PTPRR: variants seen among roughly 807,000 people sequenced by gnomAD.
PTPRR encodes the protein receptor-type tyrosine-protein phosphatase R.
PTPRR carries 38 observed loss-of-function variants against 77.2 expected under a neutral mutation model. The observed-to-expected ratio is 0.49, with a 90% CI of 0.38 to 0.65. PTPRR has a LOEUF of 0.65. Ranked by LOEUF, PTPRR falls within the 30% of genes least tolerant of loss-of-function variation. The pLI, the probability that PTPRR is intolerant of heterozygous loss-of-function variation, is 0.00. For missense variants in PTPRR, 744 were observed against 799.2 expected (o/e 0.93, Z 0.83); for synonymous variants, 299 against 283.1 (o/e 1.06, Z -0.57).
intron 13 of PTPRR, 98 bp from the exon 14 acceptor site, chr12:70,639,375 C>A: frequency 6.9e-7 from 1 of 1,453,612 alleles, no homozygotes. Context: ...ATGCCAAAGA[C>A]ACATAGAACA....
At chr12:70,854,115 T>C (rs1039114414) in intron 2 of PTPRR, among the ~76,000 whole-genome samples, 3 of 152,312 alleles carry the variant, frequency 2.0e-5, no homozygotes, top group Middle Eastern at 3.4e-3. Flanking sequence ...AATAACCTAA[T>C]TATTTCAAAG....
At chr12:70,810,053 G>A (rs1295907498) in intron 2 of PTPRR, among the ~76,000 whole-genome samples, 1 of 152,140 alleles carries the variant, frequency 6.6e-6, no homozygotes, top group Non-Finnish European at 1.5e-5. Flanking sequence ...ATCACCAGCA[G>A]TCATGTAAAT....
chr12:70,840,971 C>CTTT (rs35818832), intron 2 of PTPRR, among the ~76,000 whole-genome samples: 16,458 of 133,062 alleles, frequency 0.12, 1,562 homozygotes, highest in African/African-American at 0.23. Flanking sequence ...GTTTTTATGG[C>CTTT]TTTTTTTTTT....
At chr12:70,717,951 T>C (rs76637611) in intron 6 of PTPRR, among the ~76,000 whole-genome samples, 3,158 of 152,300 alleles carry the variant, frequency 0.021, 48 homozygotes, top group East Asian at 0.068. Context: ...TGATAATTGG[T>C]CAGTAATTTT....
At chr12:70,678,351 C>G (rs1887528318) in intron 10 of PTPRR, among the ~76,000 whole-genome samples, 1 of 152,076 alleles carries the variant, frequency 6.6e-6, no homozygotes, top group Admixed American at 6.5e-5. Context: ...AGGATAGGTT[C>G]TGTTACTGAT....
intron 2 of PTPRR, among the ~76,000 whole-genome samples, chr12:70,774,636 T>C (rs368470109): frequency 1.4e-5 from 2 of 141,556 alleles, no homozygotes; most frequent in Non-Finnish European, 3.1e-5. Flanking sequence ...AGCTGGATTT[T>C]GTAGAGCATG....
chr12:70,894,444 C>T (rs1592820044), intron 1 of PTPRR, among the ~76,000 whole-genome samples: 1 of 151,442 alleles, frequency 6.6e-6, no homozygotes. Flanking sequence ...GAAAAGTAAA[C>T]CAGGATGAAA....
At chr12:70,665,852 T>G (rs1451103933) in intron 10 of PTPRR, among the ~76,000 whole-genome samples, 1 of 152,160 alleles carries the variant, frequency 6.6e-6, no homozygotes, top group Non-Finnish European at 1.5e-5. Flanking sequence ...ATATCAGAGA[T>G]ATTGCTCTAT....
At chr12:70,850,624 G>A (rs987345944) in intron 2 of PTPRR, among the ~76,000 whole-genome samples, 1 of 151,972 alleles carries the variant, frequency 6.6e-6, no homozygotes, top group Non-Finnish European at 1.5e-5. Context: ...TAAATATTTG[G>A]TGGATGAATC....
chr12:70,799,914 T>C (rs1029367114), intron 2 of PTPRR, among the ~76,000 whole-genome samples: 4 of 152,180 alleles, frequency 2.6e-5, no homozygotes, highest in Non-Finnish European at 5.9e-5. Flanking sequence ...CAGCTCATCA[T>C]AAATATTAAT....
chr12:70,713,851 A>T (rs1197411597), intron 6 of PTPRR, among the ~76,000 whole-genome samples: 2 of 152,046 alleles, frequency 1.3e-5, no homozygotes, highest in East Asian at 1.9e-4. Context: ...TTCTGATAGT[A>T]TTTGTGATGA....
intron 12 of PTPRR, among the ~76,000 whole-genome samples, chr12:70,659,385 T>C (rs1235004042): frequency 1.3e-5 from 2 of 152,078 alleles, no homozygotes; most frequent in African/African-American, 4.8e-5. Context: ...GAAATGGTGA[T>C]TATGGGAGAA....
chr12:70,885,660 G>C (rs1439179456), intron 2 of PTPRR, among the ~76,000 whole-genome samples: 1 of 150,420 alleles, frequency 6.6e-6, no homozygotes, highest in Non-Finnish European at 1.5e-5. Flanking sequence ...TCAGCCTCCC[G>C]AGTAGCTGGG....
intron 6 of PTPRR, among the ~76,000 whole-genome samples, chr12:70,736,358 C>T (rs1382646506): frequency 6.6e-6 from 1 of 152,088 alleles, no homozygotes; most frequent in Non-Finnish European, 1.5e-5. Context: ...CATAATATAC[C>T]TACTTGCTAA....
At chr12:70,641,908 A>G (rs1886017555) in intron 13 of PTPRR, among the ~76,000 whole-genome samples, 3 of 152,176 alleles carry the variant, frequency 2.0e-5, no homozygotes, top group South Asian at 2.1e-4. Context: ...ACAGCCATCA[A>G]AGTCCTATAA....
chr12:70,862,951 T>C (rs1028392981), intron 2 of PTPRR, among the ~76,000 whole-genome samples: 1 of 152,118 alleles, frequency 6.6e-6, no homozygotes, highest in Admixed American at 6.6e-5. Context: ...AAGTTTACCA[T>C]AGCAATTGAC....
At chr12:70,716,535 C>T (rs55879116) in intron 6 of PTPRR, among the ~76,000 whole-genome samples, 5,050 of 152,224 alleles carry the variant, frequency 0.033, 260 homozygotes, top group African/African-American at 0.11. Flanking sequence ...TTGGGATGCA[C>T]ATGCCCCACT....
At chr12:70,886,231 C>G (rs956366693) in intron 2 of PTPRR, among the ~76,000 whole-genome samples, 6 of 152,294 alleles carry the variant, frequency 3.9e-5, no homozygotes, top group Admixed American at 1.3e-4. Flanking sequence ...AACGGAATTT[C>G]TACTTCAGGA....
chr12:70,893,642 A>C (rs1038601395), intron 1 of PTPRR, among the ~76,000 whole-genome samples: 1 of 151,920 alleles, frequency 6.6e-6, no homozygotes, highest in Admixed American at 6.6e-5. Flanking sequence ...GAGTAAACAG[A>C]TGTTAGCAGA....
Sources: gnomAD v4.1 joint callset for allele counts (sites outside exome capture counted in the v4.1 genomes callset) on GRCh38, gnomAD v4.1.1 for gene constraint, MANE v1.5 for transcripts, NCBI Gene and HGNC (gene_info 2026-07-23, HGNC 2026-07-21) for gene names.